The following PSPC1 variants were observed in gnomAD, a reference collection of about 807,000 sequenced individuals.
PSPC1 encodes paraspeckle component 1.
A neutral mutation model predicts 51.6 loss-of-function variants in PSPC1; 14 were observed. The ratio of observed to expected loss-of-function variants is 0.27; its 90% CI spans 0.18 to 0.42. The LOEUF is 0.42. Ranked by LOEUF, PSPC1 falls within the 10% of genes least tolerant of loss-of-function variation. PSPC1 has a pLI of 1.00. For missense variants in PSPC1, 406 were observed against 701.1 expected (o/e 0.58, Z 4.75); for synonymous variants, 193 against 231.9 (o/e 0.83, Z 1.53).
chr13:19,707,283 G>A (rs1880809388), intron 7 of PSPC1, among the ~76,000 whole-genome samples: 1 of 152,064 alleles, frequency 6.6e-6, no homozygotes, highest in Admixed American at 6.5e-5. Flanking sequence ...CCAACTAACA[G>A]CAGTTAACTT....
At chr13:19,692,601 C>T (rs1466845152) in intron 6 of PSPC1, among the ~76,000 whole-genome samples, 1 of 152,124 alleles carries the variant, frequency 6.6e-6, no homozygotes, top group East Asian at 1.9e-4. Context: ...TAAAAGCACT[C>T]AAAACCAAAA....
chr13:19,731,579 A>T (rs1593646038), intron 5 of PSPC1, among the ~76,000 whole-genome samples: 1 of 152,056 alleles, frequency 6.6e-6, no homozygotes, highest in East Asian at 1.9e-4. Context: ...ATGTCCAGAT[A>T]ATGTTTTGTA....
At chr13:19,731,711 G>A (rs1046193104) in intron 5 of PSPC1, among the ~76,000 whole-genome samples, 4 of 152,140 alleles carry the variant, frequency 2.6e-5, no homozygotes, top group South Asian at 2.1e-4. Context: ...CCAACACCCC[G>A]GCTGGAACTT....
intron 6 of PSPC1, among the ~76,000 whole-genome samples, chr13:19,680,203 T>C (rs1388746487): frequency 2.0e-5 from 3 of 152,030 alleles, no homozygotes; most frequent in African/African-American, 7.2e-5. Flanking sequence ...TTAGTAGAGA[T>C]AGGGTTTCAC....
At chr13:19,681,346 TG>T (rs1276769353) in intron 6 of PSPC1, among the ~76,000 whole-genome samples, 2 of 152,086 alleles carry the variant, frequency 1.3e-5, no homozygotes, top group African/African-American at 4.8e-5. Context: ...CTCTTTTCCC[TG>T]AAGACACAAG....
chr13:19,700,022 C>T (rs1228738864), downstream of PSPC1, among the ~76,000 whole-genome samples: 2 of 151,952 alleles, frequency 1.3e-5, no homozygotes, highest in African/African-American at 2.4e-5. Flanking sequence ...GACACTAAAT[C>T]TCAACCCTTT....
intron 1 of PSPC1, among the ~76,000 whole-genome samples, chr13:19,775,594 A>G (rs957335761): frequency 5.3e-5 from 8 of 152,322 alleles, no homozygotes; most frequent in African/African-American, 1.4e-4. Context: ...ACTGAGGGAT[A>G]ATTGCATTCT....
In PSPC1 at chr13:19,730,965, C is replaced by CAA. The variant is rs56753561; in HGVS notation, c.1053-623_1053-622dup. Among the ~76,000 whole-genome samples the CAA allele has an allele frequency of 5.1e-3, 191 of 37,356 alleles. 4 individuals carry two copies. The highest frequency in any genetic ancestry group is 0.028 in the South Asian group (18 of 646). 24.5% of individuals were successfully genotyped at this position (37,356 alleles called of 152,430 possible). The stretch of plus-strand genomic sequence containing the variant: ...GTCTCAGAAAAAAAAAACAAAAAAA[C>CAA]AAAAAAAAAAAAAACAGAAAAAGTC... On this transcript the variant is annotated intron_variant, in intron 5 of 8. Transcript: ENST00000338910.
At chr13:19,702,446 T>C (rs1880033906), downstream of PSPC1, 1 of 152,240 alleles carries the variant, frequency 6.6e-6, no homozygotes, top group Non-Finnish European at 1.5e-5. Flanking sequence ...ATGGCAGATA[T>C]GTTTAAAACT....
rs1258343929 is a variant in PSPC1 at position 19,730,950 on chromosome 13, AAAAAAAC to A, written c.1053-613_1053-607del. On this transcript the variant is annotated intron_variant, in intron 5 of 8. Transcript: ENST00000338910. ...CAACAGTGAGACCCTGTCTCAGAAA[AAAAAAAC>A]AAAAAAACAAAAAAAAAAAAAACAG... Among the ~76,000 whole-genome samples, 4 of 28,720 alleles carry A rather than the reference AAAAAAAC, an allele frequency of 1.4e-4. No individual in the cohort carries two copies. In the South Asian group the frequency reaches 6.3e-3, roughly 45 times the overall value. The allele number at this position is 28,720 out of a possible 152,430, so 18.8% of individuals were successfully genotyped here.
At chr13:19,763,882 G>A (rs1418584943) in intron 2 of PSPC1, among the ~76,000 whole-genome samples, 1 of 152,000 alleles carries the variant, frequency 6.6e-6, no homozygotes, top group African/African-American at 2.4e-5. Context: ...CAGCGGCTGT[G>A]GTCCCAACTA....
At chr13:19,701,993 A>G (rs973435724), downstream of PSPC1, among the ~76,000 whole-genome samples, 3 of 152,208 alleles carry the variant, frequency 2.0e-5, no homozygotes, top group African/African-American at 7.2e-5. Context: ...TAGTATTGAA[A>G]ATCAAAATAG....
At position 19,726,685 on chromosome 13, in the gene PSPC1, G is replaced by C. The variant is rs550032951; in HGVS notation, c.1158+3554C>G. ...CTCAGGAGGATGAGGAAAGAGGACT[G>C]CTTGAGCCCAGCCTGGGCAACATAT... On this transcript the variant is annotated intron_variant, in intron 6 of 8. Coordinates refer to ENST00000338910, the MANE Select transcript of PSPC1 (RefSeq NM_001354909.2). Among the ~76,000 whole-genome samples the C allele has an allele frequency of 3.9e-5, 6 of 151,958 alleles. No homozygotes were observed. In the East Asian group the frequency reaches 1.2e-3, roughly 30 times the overall value.
chr13:19,762,012 C>T (rs908529683), intron 2 of PSPC1, among the ~76,000 whole-genome samples: 3 of 152,056 alleles, frequency 2.0e-5, no homozygotes, highest in African/African-American at 7.2e-5. Context: ...CAAGGGAAAC[C>T]GTAATCAGAA....
At chr13:19,693,446 GTTGGTGTCAT>G (rs1316548033) in intron 6 of PSPC1, among the ~76,000 whole-genome samples, 2 of 152,138 alleles carry the variant, frequency 1.3e-5, no homozygotes, top group Non-Finnish European at 2.9e-5. Context: ...CTGTTCTACA[GTTGGTGTCAT>G]TCATTCACCA....
At chr13:19,678,602 A>C (rs927035824) in intron 6 of PSPC1, 2 of 152,160 alleles carry the variant, frequency 1.3e-5, no homozygotes, top group African/African-American at 2.4e-5. Flanking sequence ...TGAGAATTGG[A>C]TGAAGCCCAA....
At chr13:19,773,777 C>T (rs905262369) in intron 1 of PSPC1, among the ~76,000 whole-genome samples, 10 of 151,838 alleles carry the variant, frequency 6.6e-5, no homozygotes, top group East Asian at 1.9e-4. Context: ...TCCTGCCTCC[C>T]GAGTAGCTGG....
intron 6 of PSPC1, among the ~76,000 whole-genome samples, chr13:19,725,048 G>A (rs977628630): frequency 2.0e-5 from 3 of 151,448 alleles, no homozygotes; most frequent in Admixed American, 6.6e-5. Context: ...GTGGTGGCGC[G>A]TGCCTGTAAT....
intron 6 of PSPC1, among the ~76,000 whole-genome samples, chr13:19,693,287 G>T (rs1878783598): frequency 6.6e-6 from 1 of 152,168 alleles, no homozygotes; most frequent in Non-Finnish European, 1.5e-5. Context: ...CAAAGTAAAT[G>T]AACTATTTGC....
Sources: gnomAD v4.1 joint callset for allele counts (sites outside exome capture counted in the v4.1 genomes callset) on GRCh38, gnomAD v4.1.1 for gene constraint, MANE v1.5 for transcripts, NCBI Gene and HGNC (gene_info 2026-07-23, HGNC 2026-07-21) for gene names.